Variants in OSBP2 observed in about 807,000 individuals in gnomAD.
The protein encoded by OSBP2 is oxysterol binding protein 2.
OSBP2 carries 66 observed loss-of-function variants against 96.0 expected under a neutral mutation model. That is an observed-to-expected ratio of 0.69 (90% CI 0.56 to 0.84). OSBP2 has a LOEUF of 0.84. OSBP2 is among the 40% of genes least tolerant of loss of function. The pLI, the probability that OSBP2 is intolerant of heterozygous loss-of-function variation, is 0.00. For synonymous variants in OSBP2, 525 were observed against 520.9 expected (o/e 1.01, Z -0.11); for missense variants, 1,038 against 1,222.7 (o/e 0.85, Z 2.25).
At chr22:30,712,065 G>A (rs2089362632) in intron 1 of OSBP2, among the ~76,000 whole-genome samples, 2 of 152,174 alleles carry the variant, frequency 1.3e-5, no homozygotes, top group Admixed American at 6.5e-5. Flanking sequence ...TGACCCAAAC[G>A]GAGATCAATG....
Position 30,759,978 on chromosome 22 carries a change from C to A in OSBP2, c.853+18609C>A, listed in dbSNP as rs141623703. Among the ~76,000 whole-genome samples the A allele has an allele frequency of 4.5e-3, 680 of 152,048 alleles. 3 individuals are homozygous for A. The highest frequency in any genetic ancestry group is 7.3e-3 in the Non-Finnish European group (494 of 68,020). ...CCAGGTTCAAGCAGTTCTCCTCCCTCAGCCTCCTTAGTAGCTGGGATTACA... is the reference window on the plus strand; with the variant it reads ...CCAGGTTCAAGCAGTTCTCCTCCCTAAGCCTCCTTAGTAGCTGGGATTACA... On this transcript the variant is annotated intron_variant, in intron 2 of 13. Transcript: ENST00000332585.
At chr22:30,797,734 G>A (rs2090785306) in intron 2 of OSBP2, among the ~76,000 whole-genome samples, 1 of 152,118 alleles carries the variant, frequency 6.6e-6, no homozygotes, top group Non-Finnish European at 1.5e-5. Flanking sequence ...TAGGACTACA[G>A]GCGCCAGCCA....
chr22:30,706,298 C>G (rs1427278459), intron 1 of OSBP2, among the ~76,000 whole-genome samples: 1 of 151,968 alleles, frequency 6.6e-6, no homozygotes, highest in African/African-American at 2.4e-5. Context: ...GTGCTGTACA[C>G]TTTTTTTCTT....
chr22:30,894,425 G>C (rs946105055), intron 12 of OSBP2: 2 of 165,396 alleles, frequency 1.2e-5, no homozygotes, highest in South Asian at 1.6e-4. Flanking sequence ...ACACAGGTCA[G>C]AAGAAGTGAC....
At chr22:30,695,586 G>A (rs377207222) in intron 1 of OSBP2, 33 bp downstream of exon 1, 1 of 1,577,690 alleles carries the variant, frequency 6.3e-7, no homozygotes, top group Non-Finnish European at 8.6e-7. Context: ...CATGGGGGTT[G>A]GAGGGTGGTG....
chr22:30,723,860 T>C (rs1487196949), intron 1 of OSBP2, among the ~76,000 whole-genome samples: 1 of 152,202 alleles, frequency 6.6e-6, no homozygotes, highest in Non-Finnish European at 1.5e-5. Flanking sequence ...GAGTGGTCTG[T>C]TTGTTACAGT....
At chr22:30,748,808 G>T (rs542052322) in intron 2 of OSBP2, among the ~76,000 whole-genome samples, 21 of 152,308 alleles carry the variant, frequency 1.4e-4, no homozygotes, top group Non-Finnish European at 2.6e-4. Context: ...CAATGTGCTA[G>T]CAGGTTGTTA....
intron 1 of OSBP2, among the ~76,000 whole-genome samples, chr22:30,731,334 G>A (rs1031588175): frequency 1.9e-4 from 29 of 152,042 alleles, no homozygotes; most frequent in Admixed American, 9.8e-4. Flanking sequence ...ACAGAGACAC[G>A]GTGGGTCGCT....
chr22:30,813,896 G>A (rs566392322), intron 2 of OSBP2, among the ~76,000 whole-genome samples: 3 of 151,788 alleles, frequency 2.0e-5, no homozygotes, highest in Admixed American at 6.6e-5. Context: ...TCCGCCTCCC[G>A]GGTTCAAGCA....
In OSBP2 at chr22:30,890,719, C is replaced by T. The variant is rs545662903; in HGVS notation, c.1624-9C>T. 22 of 1,610,894 alleles carry T rather than the reference C, an allele frequency of 1.4e-5. No individual in the cohort carries two copies. In the African/African-American group the frequency reaches 1.5e-4, roughly 11 times the overall value. On this transcript the variant is annotated splice_polypyrimidine_tract_variant and intron_variant, in intron 7 of 13. Transcript: ENST00000332585. This position sits in a 1 kb window ranked among gnomAD's most constrained non-coding sequence, Gnocchi z 4.4. ...TGCCCAGCCTGACCACCCACCTGTC[C>T]ACCCACAGGTGAACTTCAATGAGCC... is the stretch of plus-strand genomic sequence containing the variant.
At chr22:30,728,490 T>C (rs2089691147) in intron 1 of OSBP2, among the ~76,000 whole-genome samples, 1 of 152,074 alleles carries the variant, frequency 6.6e-6, no homozygotes, top group Non-Finnish European at 1.5e-5. Flanking sequence ...CAGGTTTTTT[T>C]GTTTGTTCAT....
rs1315704311 is a variant in OSBP2 at position 30,799,051 on chromosome 22, C to T, written c.853+57682C>T. Among the ~76,000 whole-genome samples, 3 of 141,716 alleles carry T rather than the reference C, an allele frequency of 2.1e-5. No homozygotes were observed. The Admixed American group carries it at 2.1e-4, about 10-fold the overall frequency. 93.0% of individuals were successfully genotyped at this position (141,716 alleles called of 152,430 possible). A position where few individuals can be genotyped will look rare whatever the true frequency, so the allele number is the denominator to read the frequency against. ...AAAAGAAATTATTTGACTATACATG[C>T]AAAGGTTTCCTTCCTTCCTTCCTTC... On this transcript the variant is annotated intron_variant, in intron 2 of 13. Coordinates refer to ENST00000332585, the MANE Select transcript of OSBP2 (RefSeq NM_030758.4).
chr22:30,746,451 A>G (rs2090001017), intron 2 of OSBP2, among the ~76,000 whole-genome samples: 1 of 150,982 alleles, frequency 6.6e-6, no homozygotes, highest in Non-Finnish European at 1.5e-5. Flanking sequence ...AATTCTTCTT[A>G]AATTTTTTCC....
At chr22:30,862,849 T>G (rs2039246311) in intron 2 of OSBP2, among the ~76,000 whole-genome samples, 1 of 151,238 alleles carries the variant, frequency 6.6e-6, no homozygotes, top group South Asian at 2.1e-4. Context: ...GGCGGGCGCC[T>G]GTAATCCCAG....
intron 1 of OSBP2, among the ~76,000 whole-genome samples, chr22:30,737,544 G>A (rs1051568602): frequency 2.0e-5 from 3 of 151,398 alleles, no homozygotes; most frequent in African/African-American, 7.3e-5. Context: ...GCCCATGCTG[G>A]TCTTGAACTC....
At chr22:30,694,809 C>G, upstream of OSBP2, 1 of 571,988 alleles carries the variant, frequency 1.7e-6, no homozygotes, top group Non-Finnish European at 2.2e-6. Context: ...CGCGCGCGCC[C>G]CCGCCTCGCG....
chr22:30,707,810 AG>A (rs1213109916), intron 1 of OSBP2, among the ~76,000 whole-genome samples: 1 of 151,914 alleles, frequency 6.6e-6, no homozygotes, highest in African/African-American at 2.4e-5. Context: ...GCAGTAGCCG[AG>A]GGGGAGTCAA....
intron 3 of OSBP2, among the ~76,000 whole-genome samples, chr22:30,880,600 C>G (rs1192861431): frequency 6.6e-6 from 1 of 152,196 alleles, no homozygotes; most frequent in Non-Finnish European, 1.5e-5. Context: ...CCACTGAAGG[C>G]CAGACAGGGT....
chr22:30,889,917 C>T (rs1297304096), intron 7 of OSBP2, among the ~76,000 whole-genome samples: 2 of 152,170 alleles, frequency 1.3e-5, no homozygotes, highest in African/African-American at 4.8e-5. Flanking sequence ...CTCACAGGAC[C>T]TTACCATGTC....
Sources: gnomAD v4.1 joint callset for allele counts (sites outside exome capture counted in the v4.1 genomes callset) on GRCh38, gnomAD v4.1.1 for gene constraint, Gnocchi (gnomAD v3.1) non-coding constraint, MANE v1.5 for transcripts, NCBI Gene and HGNC (gene_info 2026-07-23, HGNC 2026-07-21) for gene names.